Variants in LRRCC1 observed in about 807,000 individuals in gnomAD.
The protein encoded by LRRCC1 is leucine-rich repeat and coiled-coil domain-containing protein 1.
A neutral mutation model predicts 126.0 loss-of-function variants in LRRCC1; 115 were observed. That is an observed-to-expected ratio of 0.91 (90% CI 0.78 to 1.07). The LOEUF is 1.07. LRRCC1 is among the 50% of genes least tolerant of loss of function. LRRCC1 has a pLI of 0.00. For missense variants in LRRCC1, 1,172 were observed against 1,175.7 expected, an observed-to-expected ratio of 1.00 and a Z score of 0.05; for synonymous variants, 400 against 393.4, an observed-to-expected ratio of 1.02 and a Z score of -0.20.
chr8:85,112,798 A>T, intron 3 of LRRCC1, 134 bp from the exon 4 acceptor site: 1 of 478,554 alleles, frequency 2.1e-6, no homozygotes. Context: ...CCTATTCATT[A>T]GATATAGCTG....
intron 6 of LRRCC1, among the ~76,000 whole-genome samples, chr8:85,120,336 A>G (rs949818820): frequency 1.3e-5 from 2 of 151,846 alleles, no homozygotes; most frequent in Non-Finnish European, 2.9e-5. Context: ...AGTTCTATCA[A>G]TTGTGGCATG....
At chr8:85,136,917 C>T (rs1179678276) in intron 14 of LRRCC1, among the ~76,000 whole-genome samples, 1 of 150,250 alleles carries the variant, frequency 6.7e-6, no homozygotes, top group Non-Finnish European at 1.5e-5. Context: ...CTCCACCTCC[C>T]GGGTTCAAGC....
At chr8:85,121,723 T>C (rs1809570861) in intron 6 of LRRCC1, among the ~76,000 whole-genome samples, 1 of 152,164 alleles carries the variant, frequency 6.6e-6, no homozygotes, top group Non-Finnish European at 1.5e-5. Flanking sequence ...TAGAATTCAG[T>C]TTTAATTCAT....
chr8:85,123,844 A>G (rs1809758741), intron 7 of LRRCC1, among the ~76,000 whole-genome samples: 1 of 152,148 alleles, frequency 6.6e-6, no homozygotes, highest in Admixed American at 6.5e-5. Context: ...ATCTCATACT[A>G]TAAAGAATAC....
chr8:85,130,091 A>AT (rs755728823), intron 11 of LRRCC1, 33 bp downstream of exon 11: 60 of 1,486,726 alleles, frequency 4.0e-5, no homozygotes, highest in Non-Finnish European at 5.4e-5. Context: ...ATGTATTGGC[A>AT]TTTAAAAAAA....
At chr8:85,107,711 A>C in intron 1 of LRRCC1, 1 of 228,570 alleles carries the variant, frequency 4.4e-6, no homozygotes, top group Admixed American at 5.6e-5. Flanking sequence ...GGTTTTCCTT[A>C]CTTACTGGTG....
At chr8:85,126,665 C>T (rs1290884833) in intron 8 of LRRCC1, 24 bp from the exon 9 acceptor site, 12 of 1,596,218 alleles carry the variant, frequency 7.5e-6, no homozygotes, top group Non-Finnish European at 8.5e-6. Flanking sequence ...TCTAAGTTCA[C>T]ATAACTTTGT....
At chr8:85,109,411 A>C (rs1016535360) in intron 1 of LRRCC1, 184 bp from the exon 2 acceptor site, 4 of 564,656 alleles carry the variant, frequency 7.1e-6, no homozygotes, top group African/African-American at 5.6e-5. Flanking sequence ...ATAATCCAAA[A>C]TACTTGGTTG....
rs757818258 is a variant in LRRCC1, at chr8:85,115,521, C to T, written c.867C>T (p.Asn289=). The T allele has an allele frequency of 1.5e-5, 24 of 1,613,308 alleles. No individual in the cohort carries two copies. The African/African-American group carries it at 1.7e-4, about 12-fold the overall frequency. Residue 289 remains asparagine, a synonymous_variant, in exon 6 of 19, where the codon AAC becomes AAT. Coordinates refer to ENST00000360375, the MANE Select transcript of LRRCC1 (RefSeq NM_033402.5). ...AGCCAGAGAAAAATAATCATGAAAA[C>T]GATTTGCAGAATGAGATAAAACTTC... is the stretch of plus-strand genomic sequence containing the variant. ...SSEPEKNNHE[N]DLQNEIKLQK...
In LRRCC1 at chr8:85,123,534, C is replaced by A; in HGVS notation, c.1052C>A (p.Ser351Ter). The A allele has an allele frequency of 1.9e-6, 3 of 1,610,618 alleles. No individual in the cohort carries two copies. The highest frequency in any genetic ancestry group is 2.2e-5 in the South Asian group (2 of 90,466). ...TGCAATAGAAAAGTTCCTCGAAGAT[C>A]AAAAATCCCTTATGATGCCAAAACC... ...KECNRKVPRR[S>*]KIPYDAKTIQ... Residue 351 changes from serine (S) to a stop codon, truncating the protein, a stop_gained, in exon 7 of 19, where the codon TCA becomes TAA. Transcript: ENST00000360375. LOFTEE classifies it high-confidence loss of function.
chr8:85,115,801 A>G (rs1216552494), intron 6 of LRRCC1, among the ~76,000 whole-genome samples: 1 of 152,134 alleles, frequency 6.6e-6, no homozygotes, highest in Admixed American at 6.5e-5. Context: ...CTTCCTTTAC[A>G]TCTTCATTAT....
At chr8:85,129,713 T>G (rs770397404) in intron 10 of LRRCC1, among the ~76,000 whole-genome samples, 3 of 152,208 alleles carry the variant, frequency 2.0e-5, no homozygotes, top group Non-Finnish European at 4.4e-5. Context: ...TTAAAATCTG[T>G]GATGCAAATA....
intron 2 of LRRCC1, among the ~76,000 whole-genome samples, 154 bp from the exon 3 acceptor site, chr8:85,109,961 T>C (rs542299081): frequency 6.6e-6 from 1 of 152,330 alleles, no homozygotes; most frequent in South Asian, 2.1e-4. Flanking sequence ...TTTTTAAAAA[T>C]TCTGTTTTTT....
chr8:85,138,106 A>G lies in LRRCC1; in HGVS notation c.2565A>G (p.Gln855=). The G allele has an allele frequency of 1.2e-6, 2 of 1,606,608 alleles. No homozygotes were observed. Among genetic ancestry groups the G allele is most frequent in the Non-Finnish European group, 1.7e-6 (2 of 1,175,826 alleles). The change falls in exon 16 of 19, where the codon CAA becomes CAG. Residue 855 remains glutamine, a synonymous_variant. Coordinates refer to ENST00000360375, the MANE Select transcript of LRRCC1 (RefSeq NM_033402.5). ...TCACAGAAATAGAAAAATGCACTCA[A>G]GAACAACTTGATGAAAAATCTTCAC... ...EKITEIEKCT[Q]EQLDEKSSQL... is the part of the protein sequence containing the mutation.
intron 17 of LRRCC1, among the ~76,000 whole-genome samples, chr8:85,138,840 T>C (rs543379116): frequency 5.3e-5 from 8 of 151,464 alleles, no homozygotes; most frequent in Admixed American, 2.6e-4. Flanking sequence ...AGATTAGGAG[T>C]TCAAGACTAG....
intron 12 of LRRCC1, among the ~76,000 whole-genome samples, chr8:85,133,701 T>A (rs1330793992): frequency 6.6e-6 from 1 of 152,170 alleles, no homozygotes; most frequent in Non-Finnish European, 1.5e-5. Flanking sequence ...TTAAAAAATA[T>A]ACATGTGGCC....
chr8:85,131,122 TG>T (rs1473294586), intron 11 of LRRCC1, among the ~76,000 whole-genome samples: 1 of 152,240 alleles, frequency 6.6e-6, no homozygotes, highest in East Asian at 1.9e-4. Context: ...ATTGTTATCT[TG>T]TATAGATGAG....
intron 6 of LRRCC1, among the ~76,000 whole-genome samples, chr8:85,120,613 A>G (rs1189931895): frequency 6.6e-6 from 1 of 151,808 alleles, no homozygotes; most frequent in Non-Finnish European, 1.5e-5. Flanking sequence ...ATTTCCTTCT[A>G]CCTCCACCCT....
At chr8:85,143,511 C>T (rs867634859) in intron 18 of LRRCC1, among the ~76,000 whole-genome samples, 5 of 151,590 alleles carry the variant, frequency 3.3e-5, no homozygotes, top group Non-Finnish European at 5.9e-5. Flanking sequence ...TGGTGGTACA[C>T]GCCTGTAGAC....
Sources: gnomAD v4.1 joint callset for allele counts (sites outside exome capture counted in the v4.1 genomes callset) on GRCh38, gnomAD v4.1.1 for gene constraint, MANE v1.5 for transcripts, NCBI Gene and HGNC (gene_info 2026-07-23, HGNC 2026-07-21) for gene names.